Variants in STK10 observed in about 807,000 individuals in gnomAD.
STK10 encodes serine/threonine kinase 10.
In STK10, 78 loss-of-function variants were observed where a neutral mutation model predicts 113.8. The observed-to-expected ratio is 0.69, with a 90% confidence interval of 0.57 to 0.83. STK10 has a LOEUF of 0.83. Among genes scored for constraint, STK10 ranks in the 40% least tolerant of loss-of-function variants. The pLI, the probability that STK10 is intolerant of heterozygous loss-of-function variation, is 0.00. For synonymous variants in STK10, 465 were observed against 494.7 expected, an observed-to-expected ratio of 0.94 and a Z score of 0.80; for missense variants, 1,109 against 1,280.1, an observed-to-expected ratio of 0.87 and a Z score of 2.04.
intron 3 of STK10, among the ~76,000 whole-genome samples, chr5:172,125,973 C>T (rs1038937536): frequency 1.3e-5 from 2 of 152,182 alleles, no homozygotes; most frequent in Admixed American, 1.3e-4. Context: ...AGGTTTATGG[C>T]ATTCAAGGCT....
At chr5:172,056,684 A>G (rs527771162) in intron 15 of STK10, among the ~76,000 whole-genome samples, 56 of 150,808 alleles carry the variant, frequency 3.7e-4, no homozygotes, top group African/African-American at 1.3e-3. Context: ...CCTGGCCAAC[A>G]GGGTGAAAGC....
chr5:172,148,700 A>T (rs1387030412), intron 2 of STK10, among the ~76,000 whole-genome samples: 2 of 152,192 alleles, frequency 1.3e-5, no homozygotes. Context: ...GGGGTCACAG[A>T]TTACATCCTT....
Position 172,156,594 on chromosome 5 carries a change from GAGCTGGGACAGACAGGGCGGC to G in STK10, c.321+9_321+29del. The G allele has an allele frequency of 1.2e-6, 2 of 1,601,488 alleles. No homozygotes were observed. The highest frequency in any genetic ancestry group is 1.7e-6 in the Non-Finnish European group (2 of 1,171,646). ...TCCAGAGCACCAGGCCATGGGGGCT[GAGCTGGGACAGACAGGGCGGC>G]AGCCTTACCCACAGCTTCCCGTCGT... is the stretch of plus-strand genomic sequence containing the variant. On this transcript the variant is annotated intron_variant, in intron 2 of 18. Transcript: ENST00000176763.
intron 7 of STK10, among the ~76,000 whole-genome samples, chr5:172,100,155 G>C (rs1457078643): frequency 2.6e-5 from 4 of 152,210 alleles, no homozygotes; most frequent in African/African-American, 9.7e-5. Context: ...TCTGCCGCCA[G>C]AGATGTGTTT....
Position 172,183,951 on chromosome 5 carries a change from G to A in STK10, c.156+3936C>T, listed in dbSNP as rs542972275. 1.6e-4 allele frequency among the ~76,000 whole-genome samples: 24 copies of A among 152,240 alleles called. No individual in the cohort carries two copies. In the South Asian group the frequency reaches 3.3e-3, roughly 21 times the overall value. On this transcript the variant is annotated intron_variant, in intron 1 of 18. Coordinates refer to ENST00000176763, the MANE Select transcript of STK10 (RefSeq NM_005990.4). ...AGGAAAAAAAGAGGTTTGATATCTC[G>A]GAGACTGCTCCTGTGAAGACTCCTC... is the stretch of plus-strand genomic sequence containing the variant.
At chr5:172,156,567 G>A in intron 2 of STK10, 57 bp downstream of exon 2, 1 of 1,564,606 alleles carries the variant, frequency 6.4e-7, no homozygotes, top group Non-Finnish European at 8.7e-7. Context: ...GACCAGGCTA[G>A]CTCCAGAGCA....
At chr5:172,073,964 C>CAAA (rs57660104) in intron 12 of STK10, among the ~76,000 whole-genome samples, 30,575 of 149,138 alleles carry the variant, frequency 0.21, 4,123 homozygotes, top group African/African-American at 0.38. Context: ...GACTCTGTCT[C>CAAA]AAATAATAAT....
intron 1 of STK10, among the ~76,000 whole-genome samples, chr5:172,171,129 G>A (rs1770658976): frequency 6.6e-6 from 1 of 152,172 alleles, no homozygotes; most frequent in Non-Finnish European, 1.5e-5. Flanking sequence ...TCCTTGTGGT[G>A]CTGAAGTAAC....
At position 172,057,337 on chromosome 5, in the gene STK10, C is replaced by G; in HGVS notation, c.2337+12G>C. 6.3e-7 allele frequency: 1 copy of G among 1,579,426 alleles called. No homozygotes were observed. The highest frequency in any genetic ancestry group is 8.6e-7 in the Non-Finnish European group (1 of 1,163,880). Reference sequence around the variant, plus strand: ...GCAGCAGATCCGAGCCCCGTGCCACCGGCAGCCTCACCTTCTCATGCTTGC... The same window carrying G: ...GCAGCAGATCCGAGCCCCGTGCCACGGGCAGCCTCACCTTCTCATGCTTGC... On this transcript the variant is annotated intron_variant, in intron 15 of 18. Coordinates refer to ENST00000176763, the MANE Select transcript of STK10 (RefSeq NM_005990.4).
intron 4 of STK10, among the ~76,000 whole-genome samples, chr5:172,116,024 C>T (rs1217255781): frequency 6.6e-6 from 1 of 152,094 alleles, no homozygotes; most frequent in Non-Finnish European, 1.5e-5. Flanking sequence ...GGTGGTCATG[C>T]TGGAAGTGAC....
chr5:172,105,681 C>A lies in STK10; in HGVS notation c.845G>T (p.Arg282Leu), dbSNP rs1313678031. ...KIALDKNPETRPSAAQLLEHP... is the reference protein window; with the variant it reads ...KIALDKNPETLPSAAQLLEHP... ...CTCCAGCAGCTGCGCGGCACTGGGT[C>A]GGGTTTCTGGGTTCTTATCCAGGGC... Residue 282 changes from arginine (R) to leucine (L), a missense_variant, in exon 7 of 19, where the codon CGA (arginine) becomes CTA (leucine). Physicochemically the swap from Arg to Leu is moderately radical, Grantham distance 102. Coordinates refer to ENST00000176763, the MANE Select transcript of STK10 (RefSeq NM_005990.4). 1 of 1,613,822 alleles carries A rather than the reference C, an allele frequency of 6.2e-7. No individual in the cohort carries two copies. The highest frequency in any genetic ancestry group is 1.7e-5 in the Admixed American group (1 of 60,000).
intron 10 of STK10, among the ~76,000 whole-genome samples, chr5:172,088,002 T>G (rs1487539286): frequency 6.6e-6 from 1 of 152,048 alleles, no homozygotes; most frequent in Non-Finnish European, 1.5e-5. Flanking sequence ...CGCAGCTCAC[T>G]GCAGCCTTGA....
Position 172,043,787 on chromosome 5 carries a change from G to C in STK10, c.*1095C>G, listed in dbSNP as rs536556173. 1.3e-5 allele frequency: 2 copies of C among 152,204 alleles called. No homozygotes were observed. The highest frequency in any genetic ancestry group is 4.8e-5 in the African/African-American group (2 of 41,434). 9.4% of individuals were successfully genotyped at this position (152,204 alleles called of 1,614,324 possible). A position where few individuals can be genotyped will look rare whatever the true frequency, so the allele number is the denominator to read the frequency against. On this transcript the variant is annotated 3_prime_UTR_variant, in exon 19 of 19. Transcript: ENST00000176763. ...CAGGGGCATTCCATTTCCCCCTGAT[G>C]CTTTTTCTTCCTGAAGAGAAGTCCA...
At chr5:172,156,134 T>A (rs757080069) in intron 2 of STK10, among the ~76,000 whole-genome samples, 1 of 151,902 alleles carries the variant, frequency 6.6e-6, no homozygotes, top group African/African-American at 2.4e-5. Context: ...TCGAGAAGGA[T>A]CTCCATGTAA....
At chr5:172,130,572 T>C (rs1769732703) in intron 2 of STK10, among the ~76,000 whole-genome samples, 1 of 150,456 alleles carries the variant, frequency 6.6e-6, no homozygotes, top group South Asian at 2.1e-4. Flanking sequence ...TAATACACCG[T>C]GGATATGTAA....
chr5:172,126,846 T>C (rs1157978935), intron 3 of STK10, among the ~76,000 whole-genome samples: 1 of 152,076 alleles, frequency 6.6e-6, no homozygotes, highest in Non-Finnish European at 1.5e-5. Flanking sequence ...TGAGAGTGTG[T>C]GGGGTCCCGC....
In STK10 at chr5:172,187,968, G is replaced by A. The variant is rs535091228; in HGVS notation, c.75C>T (p.His25=). Reference sequence around the variant, plus strand: ...CGTTGGGGTCCAGGTCGCGGCGGACGTGCTCATATTCGCGGGACTTTCTCT... The same window carrying A: ...CGTTGGGGTCCAGGTCGCGGCGGACATGCTCATATTCGCGGGACTTTCTCT... ...FEKRKSREYE[H]VRRDLDPNEV... is the part of the protein sequence containing the mutation. The change falls in exon 1 of 19, where the codon CAC becomes CAT. Residue 25 remains histidine (H), a synonymous_variant. Coordinates refer to ENST00000176763, the MANE Select transcript of STK10 (RefSeq NM_005990.4). This position sits in a 1 kb window ranked among gnomAD's most constrained non-coding sequence, Gnocchi z 4.6. 3.1e-6 allele frequency: 5 copies of A among 1,613,632 alleles called. No individual in the cohort carries two copies. The highest frequency in any genetic ancestry group is 4.5e-5 in the East Asian group (2 of 44,870).
intron 12 of STK10, among the ~76,000 whole-genome samples, chr5:172,081,705 C>T (rs559294175): frequency 6.6e-6 from 1 of 152,286 alleles, no homozygotes; most frequent in Admixed American, 6.5e-5. Context: ...GCTGCTCATC[C>T]ACTGCTACCA....
intron 7 of STK10, among the ~76,000 whole-genome samples, chr5:172,098,434 G>A (rs552291283): frequency 6.6e-6 from 1 of 152,258 alleles, no homozygotes; most frequent in African/African-American, 2.4e-5. Context: ...AGAAGGCCCT[G>A]AGACTGGACT....
Sources: allele counts gnomAD v4.1 joint callset (sites outside exome capture counted in the v4.1 genomes callset), GRCh38; gene constraint gnomAD v4.1.1; non-coding constraint Gnocchi (gnomAD v3.1); transcripts MANE v1.5; gene names NCBI Gene and HGNC (gene_info 2026-07-23, HGNC 2026-07-21).